The following RBFOX3 variants were observed in gnomAD, a reference collection of about 807,000 sequenced individuals.
The protein encoded by RBFOX3 is RNA binding fox-1 homolog 3.
Under a neutral mutation model 48.7 loss-of-function variants are expected in RBFOX3, and 17 were observed. The ratio of observed to expected loss-of-function variants is 0.35; its 90% CI spans 0.24 to 0.52. RBFOX3 has a LOEUF of 0.52. Ranked by LOEUF, RBFOX3 falls within the 20% of genes least tolerant of loss-of-function variation. RBFOX3 has a pLI of 0.94. For missense variants in RBFOX3, 382 were observed against 497.5 expected (o/e 0.77, Z 2.21); for synonymous variants, 212 against 209.5 (o/e 1.01, Z -0.10).
rs112775408 is a variant in RBFOX3 at position 79,264,969 on chromosome 17, G to T, written c.-73-29164C>A. On this transcript the variant is annotated intron_variant, in intron 3 of 14. Coordinates refer to ENST00000693108, the MANE Select transcript of RBFOX3 (RefSeq NM_001350451.2). ...GGAGACCCTCAGTGCGAGAGGAGGGGGGGGGGGCGCAGATTTGTGGCGATC... is the reference window on the plus strand; with the variant it reads ...GGAGACCCTCAGTGCGAGAGGAGGGTGGGGGGGCGCAGATTTGTGGCGATC... Among the ~76,000 whole-genome samples, 548 of 151,954 alleles carry T rather than the reference G, an allele frequency of 3.6e-3. 2 individuals carry two copies. Among genetic ancestry groups the T allele is most frequent in the African/African-American group, 0.012 (512 of 41,348 alleles).
chr17:79,337,474 G>A (rs900160438), intron 2 of RBFOX3, among the ~76,000 whole-genome samples: 6 of 152,150 alleles, frequency 3.9e-5, no homozygotes, highest in Non-Finnish European at 8.8e-5. Flanking sequence ...TTCACAAATC[G>A]GATCAAGAAA....
At chr17:79,542,086 C>G (rs2089798551) in intron 1 of RBFOX3, among the ~76,000 whole-genome samples, 1 of 151,022 alleles carries the variant, frequency 6.6e-6, no homozygotes, top group African/African-American at 2.4e-5. Flanking sequence ...TCCGAGACCT[C>G]TATGTGAGAG....
chr17:79,592,175 G>A (rs1338372446), intron 1 of RBFOX3, among the ~76,000 whole-genome samples: 1 of 150,926 alleles, frequency 6.6e-6, no homozygotes, highest in East Asian at 2.0e-4. Context: ...TCTGCAGGGT[G>A]TGGAGTACTG....
intron 3 of RBFOX3, among the ~76,000 whole-genome samples, chr17:79,288,616 C>G (rs1251723956): frequency 6.6e-6 from 1 of 152,122 alleles, no homozygotes; most frequent in Non-Finnish European, 1.5e-5. Context: ...GCCCGTCATC[C>G]CAGAGGCTCT....
intron 2 of RBFOX3, among the ~76,000 whole-genome samples, chr17:79,395,976 C>T (rs1228065268): frequency 6.6e-6 from 1 of 152,202 alleles, no homozygotes; most frequent in Non-Finnish European, 1.5e-5. Flanking sequence ...CAAGGAGCCC[C>T]GCCTGCCACT....
At chr17:79,206,484 C>T (rs1280176005) in intron 4 of RBFOX3, among the ~76,000 whole-genome samples, 1 of 152,142 alleles carries the variant, frequency 6.6e-6, no homozygotes, top group Non-Finnish European at 1.5e-5. Context: ...TTGAGGCTGG[C>T]CGTCATCTTG....
intron 2 of RBFOX3, among the ~76,000 whole-genome samples, chr17:79,453,439 G>T (rs2073920451): frequency 6.6e-6 from 1 of 152,206 alleles, no homozygotes; most frequent in Non-Finnish European, 1.5e-5. Context: ...AGTGGTCACA[G>T]AGGGACAGGC....
At chr17:79,118,558 C>T (rs772058358) in intron 4 of RBFOX3, among the ~76,000 whole-genome samples, 8 of 152,012 alleles carry the variant, frequency 5.3e-5, no homozygotes, top group East Asian at 3.8e-4. Context: ...GAAGGCACAG[C>T]GTGAGGGCCC....
chr17:79,175,489 G>C (rs2050328894), intron 4 of RBFOX3, among the ~76,000 whole-genome samples: 1 of 152,248 alleles, frequency 6.6e-6, no homozygotes, highest in Non-Finnish European at 1.5e-5. Context: ...ACTGGCCGAG[G>C]GTGGGGTGAC....
chr17:79,128,700 G>A (rs548175465), intron 4 of RBFOX3, among the ~76,000 whole-genome samples: 3 of 152,292 alleles, frequency 2.0e-5, no homozygotes, highest in Admixed American at 1.3e-4. Flanking sequence ...CCTGGGAGCC[G>A]GGGCTGCCTG....
intron 2 of RBFOX3, among the ~76,000 whole-genome samples, chr17:79,388,612 C>G (rs1177599847): frequency 2.6e-5 from 4 of 152,198 alleles, no homozygotes; most frequent in African/African-American, 9.7e-5. Context: ...CCAGGAAGCT[C>G]ACTGCACAGC....
chr17:79,361,267 C>T lies in RBFOX3; in HGVS notation c.-174-53443G>A, dbSNP rs994397630. ...CACTGCCCGACCTGGCCTCTTCCCT[C>T]TCCCCAGGCTGCTGGTTGGCGCCTT... On this transcript the variant is annotated intron_variant, in intron 2 of 14. Coordinates refer to ENST00000693108, the MANE Select transcript of RBFOX3 (RefSeq NM_001350451.2). This position sits in a 1 kb window ranked among gnomAD's most constrained non-coding sequence, Gnocchi z 4.5. Among the ~76,000 whole-genome samples the T allele has an allele frequency of 6.6e-6, 1 of 152,210 alleles. No homozygotes were observed. Among genetic ancestry groups the T allele is most frequent in the Non-Finnish European group, 1.5e-5 (1 of 68,038 alleles).
intron 4 of RBFOX3, chr17:79,136,393 C>G (rs1177430726): frequency 6.6e-6 from 1 of 152,364 alleles, no homozygotes; most frequent in African/African-American, 2.4e-5. Flanking sequence ...GATAAGCACG[C>G]TCGTGCAGAC....
intron 2 of RBFOX3, among the ~76,000 whole-genome samples, chr17:79,394,922 TG>T (rs2061806670): frequency 2.0e-5 from 3 of 152,012 alleles, no homozygotes; most frequent in Admixed American, 1.3e-4. Flanking sequence ...CGTGTGCAGG[TG>T]GGACGACGCA....
At chr17:79,403,167 T>G (rs1331675890) in intron 2 of RBFOX3, among the ~76,000 whole-genome samples, 1 of 152,134 alleles carries the variant, frequency 6.6e-6, no homozygotes, top group East Asian at 1.9e-4. Context: ...AGGCCTCCCT[T>G]GGTGCTTGGG....
intron 8 of RBFOX3, among the ~76,000 whole-genome samples, chr17:79,102,712 G>A (rs2076668442): frequency 6.6e-6 from 1 of 152,192 alleles, no homozygotes. Flanking sequence ...ACAAGGGGTG[G>A]AGTGGGGCCA....
chr17:79,526,338 C>G (rs943832530), intron 1 of RBFOX3, among the ~76,000 whole-genome samples: 3 of 152,318 alleles, frequency 2.0e-5, no homozygotes, highest in South Asian at 4.1e-4. Context: ...ATCTACGAAA[C>G]GGGACCAGGC....
chr17:79,535,277 C>T lies in RBFOX3; in HGVS notation c.-319-52679G>A, dbSNP rs188570060. 3.7e-4 allele frequency among the ~76,000 whole-genome samples: 57 copies of T among 152,300 alleles called. No individual in the cohort carries two copies. The highest frequency in any genetic ancestry group is 1.2e-3 in the African/African-American group (50 of 41,572). On this transcript the variant is annotated intron_variant, in intron 1 of 14. Transcript: ENST00000693108. This position sits in a 1 kb window ranked among gnomAD's most constrained non-coding sequence, Gnocchi z 4.5. ...CAAGGGCTGTTCACAGAGGCTGACT[C>T]CCGTCCTCCCTTTCCTGAAAGACAC... is the stretch of plus-strand genomic sequence containing the variant.
intron 2 of RBFOX3, among the ~76,000 whole-genome samples, chr17:79,359,663 GC>G (rs1223055421): frequency 6.6e-6 from 1 of 152,070 alleles, no homozygotes; most frequent in Non-Finnish European, 1.5e-5. Context: ...TCCAGGGAGG[GC>G]TGGCTCTGCA....
Sources: allele counts gnomAD v4.1 joint callset (sites outside exome capture counted in the v4.1 genomes callset), GRCh38; gene constraint gnomAD v4.1.1; non-coding constraint Gnocchi (gnomAD v3.1); transcripts MANE v1.5; gene names NCBI Gene and HGNC (gene_info 2026-07-23, HGNC 2026-07-21).